Variants in ZNF525 observed in about 807,000 individuals in gnomAD.
The protein encoded by ZNF525 is zinc finger protein 525.
Under a neutral mutation model 37.6 loss-of-function variants are expected in ZNF525, and 33 were observed. The observed-to-expected ratio is 0.88, with a 90% CI of 0.67 to 1.17. ZNF525 has a LOEUF of 1.17. Ranked by LOEUF, ZNF525 falls within the 50% of genes most tolerant of loss-of-function variation. ZNF525 has a pLI of 0.00. For missense variants in ZNF525, 449 were observed against 543.1 expected (o/e 0.83, Z 1.72); for synonymous variants, 170 against 182.3 (o/e 0.93, Z 0.54).
Position 53,381,559 on chromosome 19 carries a change from A to G in ZNF525, c.980A>G (p.His327Arg), listed in dbSNP as rs750291577. Reference protein sequence around the residue: ...HRRIHTGEKPHKCNECGKTFS... With the variant: ...HRRIHTGEKPRKCNECGKTFS... The stretch of plus-strand genomic sequence containing the variant: ...AGAATTCATACTGGAGAGAAACCAC[A>G]TAAGTGTAATGAGTGTGGCAAGACC... The change falls in exon 4 of 4, where the codon CAT becomes CGT. Residue 327 changes from histidine (H) to arginine (R), a missense_variant. Physicochemically the swap from His to Arg is conservative, Grantham distance 29 (BLOSUM62 0). Transcript: ENST00000474037. 12 of 1,185,914 alleles carry G rather than the reference A, an allele frequency of 1.0e-5. No homozygotes were observed. The highest frequency in any genetic ancestry group is 1.0e-4 in the Admixed American group (6 of 59,524). The allele number at this position is 1,185,914 out of a possible 1,614,324, so 73.5% of individuals were successfully genotyped here. A position where few individuals can be genotyped will look rare whatever the true frequency, so the allele number is the denominator to read the frequency against.
At position 53,374,459 on chromosome 19, in the gene ZNF525, C is replaced by CA. The variant is rs1283964460; in HGVS notation, c.16-1310dup. ...TAGTGGCTGCCTCTGCACGTGCCTG[C>CA]ATTCCTACAGATATCTGAAATTTCC... On this transcript the variant is annotated intron_variant, in intron 2 of 3. Coordinates refer to ENST00000474037, the MANE Select transcript of ZNF525 (RefSeq NM_001348156.2). 2.0e-5 allele frequency among the ~76,000 whole-genome samples: 3 copies of CA among 152,318 alleles called. No individual in the cohort carries two copies. In the East Asian group the frequency reaches 5.8e-4, roughly 29 times the overall value.
At chr19:53,372,622 CTG>C (rs1360323415) in intron 2 of ZNF525, among the ~76,000 whole-genome samples, 1 of 152,190 alleles carries the variant, frequency 6.6e-6, no homozygotes, top group Non-Finnish European at 1.5e-5. Flanking sequence ...TGTCAGCTCT[CTG>C]TGGACCAGGA....
In ZNF525 at chr19:53,381,713, T is replaced by C. The variant is rs2085565451; in HGVS notation, c.1134T>C (p.Thr378=). 9.2e-7 allele frequency: 1 copy of C among 1,084,290 alleles called. No individual in the cohort carries two copies. Among genetic ancestry groups the C allele is most frequent in the East Asian group, 2.3e-5 (1 of 42,572 alleles). The allele number at this position is 1,084,290 out of a possible 1,614,324, so 67.2% of individuals were successfully genotyped here. A position where few individuals can be genotyped will look rare whatever the true frequency, so the allele number is the denominator to read the frequency against. Residue 378 remains threonine (T), a synonymous_variant, in exon 4 of 4, where the codon ACT becomes ACC. Coordinates refer to ENST00000474037, the MANE Select transcript of ZNF525 (RefSeq NM_001348156.2). ...TTGAAAGTCATAGGATAACTCATAC[T>C]GGAGAGAAACCATACAAGTGTAATG... The part of the protein sequence containing the change: ...SNLESHRITH[T]GEKPYKCNDC...
Position 53,382,264 on chromosome 19 carries a change from A to G in ZNF525, c.*245A>G, listed in dbSNP as rs1431665894. Reference sequence around the variant, plus strand: ...AATAGGTGTGGCAAGACCTTCAGTCATACATCATCCCTTACATGCCATCAT... The same window carrying G: ...AATAGGTGTGGCAAGACCTTCAGTCGTACATCATCCCTTACATGCCATCAT... On this transcript the variant is annotated 3_prime_UTR_variant, in exon 4 of 4. Coordinates refer to ENST00000474037, the MANE Select transcript of ZNF525 (RefSeq NM_001348156.2). 1 of 1,491,798 alleles carries G rather than the reference A, an allele frequency of 6.7e-7. No homozygotes were observed. Among genetic ancestry groups the G allele is most frequent in the East Asian group, 2.3e-5 (1 of 44,216 alleles). The allele number at this position is 1,491,798 out of a possible 1,614,324, so 92.4% of individuals were successfully genotyped here. A position where few individuals can be genotyped will look rare whatever the true frequency, so the allele number is the denominator to read the frequency against.
intron 3 of ZNF525, among the ~76,000 whole-genome samples, chr19:53,378,140 T>C (rs1171744783): frequency 6.6e-6 from 1 of 152,086 alleles, no homozygotes; most frequent in Non-Finnish European, 1.5e-5. Flanking sequence ...CTGGCCAACA[T>C]GGTGAAACCT....
In ZNF525 at chr19:53,385,030, G is replaced by A. The variant is rs1260730809; in HGVS notation, c.*3011G>A. ...ACGCTTTTTCTCCATCTACTAAGGT[G>A]ATGTGGTTTTAATCTTTCATTCTGT... On this transcript the variant is annotated 3_prime_UTR_variant, in exon 4 of 4. Transcript: ENST00000474037. The A allele has an allele frequency of 1.4e-6, 1 of 699,024 alleles. No individual in the cohort carries two copies. The highest frequency in any genetic ancestry group is 1.8e-5 in the African/African-American group (1 of 57,064). 43.3% of individuals were successfully genotyped at this position (699,024 alleles called of 1,614,324 possible). A position where few individuals can be genotyped will look rare whatever the true frequency, so the allele number is the denominator to read the frequency against.
intron 3 of ZNF525, among the ~76,000 whole-genome samples, chr19:53,378,735 A>C (rs1341175214): frequency 6.6e-6 from 1 of 152,056 alleles, no homozygotes; most frequent in Non-Finnish European, 1.5e-5. Flanking sequence ...CGAGCTCTTT[A>C]ATGTCTCTTT....
intron 1 of ZNF525, among the ~76,000 whole-genome samples, chr19:53,369,994 G>A (rs1245824022): frequency 6.6e-6 from 1 of 150,508 alleles, no homozygotes; most frequent in Non-Finnish European, 1.5e-5. Context: ...AAAGTGCTGG[G>A]ATTACAGGCG....
chr19:53,377,056 A>C (rs2085527507), intron 3 of ZNF525, among the ~76,000 whole-genome samples: 2 of 152,154 alleles, frequency 1.3e-5, no homozygotes, highest in South Asian at 4.1e-4. Flanking sequence ...TGTATGCTGC[A>C]TTTTCATTAA....
intron 2 of ZNF525, 96 bp downstream of exon 2, chr19:53,372,392 G>T (rs2085493728): frequency 1.4e-6 from 1 of 737,030 alleles, no homozygotes; most frequent in South Asian, 1.5e-5. Flanking sequence ...CTTCCTGCCT[G>T]ACAGGTTTGC....
chr19:53,381,950 T>C lies in ZNF525; in HGVS notation c.1371T>C (p.His457=), dbSNP rs767684655. The C allele has an allele frequency of 1.0e-6, 1 of 988,754 alleles. No homozygotes were observed. The highest frequency in any genetic ancestry group is 1.6e-6 in the Non-Finnish European group (1 of 610,006). 61.2% of individuals were successfully genotyped at this position (988,754 alleles called of 1,614,324 possible). Residue 457 remains histidine, a synonymous_variant, in exon 4 of 4, where the codon CAT becomes CAC. Transcript: ENST00000474037. ...GTCAGGAGTTATCCCTTACCTGCCA[T>C]TGTAGACTTCATAGTGGAGAGAAAC... ...TFSQELSLTC[H]CRLHSGEKPC...
In ZNF525 at chr19:53,366,974, CAG is replaced by C. The variant is rs79043709; in HGVS notation, c.-68+1218_-68+1219del. 0.012 allele frequency among the ~76,000 whole-genome samples: 1,889 copies of C among 152,186 alleles called. 71 individuals are homozygous for C. The East Asian group carries it at 0.15, about 12-fold the overall frequency. On this transcript the variant is annotated intron_variant, in intron 1 of 3. Transcript: ENST00000474037. The stretch of plus-strand genomic sequence containing the variant: ...AAAAAGCTGAGCATTTCAACAAACA[CAG>C]AGTGGGTTTTTTTTGCTTTCAGAAG...
intron 3 of ZNF525, 59 bp downstream of exon 3, chr19:53,375,955 C>CT: frequency 6.2e-7 from 1 of 1,610,974 alleles, no homozygotes; most frequent in Admixed American, 1.7e-5. Flanking sequence ...TGTATTTTCT[C>CT]TTTTTTTAGA....
In ZNF525 at chr19:53,375,799, A is replaced by G. The variant is rs1308240154; in HGVS notation, c.45A>G (p.Ile15Met). ...QGLLTFRDVA[I>M]EFSQEEWKCL... ...TATTGACATTCAGGGATGTGGCCAT[A>G]GAATTCTCTCAGGAGGAGTGGAAAT... Residue 15 changes from isoleucine (I) to methionine (M), a missense_variant, in exon 3 of 4, where the codon ATA becomes ATG. Transcript: ENST00000474037. 6.2e-7 allele frequency: 1 copy of G among 1,613,980 alleles called. No individual in the cohort carries two copies. Among genetic ancestry groups the G allele is most frequent in the Non-Finnish European group, 8.5e-7 (1 of 1,179,894 alleles).
chr19:53,372,358 G>A, intron 2 of ZNF525, 62 bp downstream of exon 2: 1 of 752,122 alleles, frequency 1.3e-6, no homozygotes. Flanking sequence ...TGACCTTGGA[G>A]TTGGGAATCT....
In ZNF525 at chr19:53,369,484, C is replaced by T. The variant is rs996576431; in HGVS notation, c.-67-2731C>T. On this transcript the variant is annotated intron_variant, in intron 1 of 3. Transcript: ENST00000474037. ...TCAGGTGATCCACCTGCCTTAACCT[C>T]CTAAAGTACTGGGATTACAAGCATG... 2.0e-5 allele frequency among the ~76,000 whole-genome samples: 3 copies of T among 147,586 alleles called. 1 individual carries two copies. The South Asian group carries it at 6.4e-4, about 32-fold the overall frequency.
At chr19:53,377,200 G>A (rs1456610638) in intron 3 of ZNF525, among the ~76,000 whole-genome samples, 3 of 152,028 alleles carry the variant, frequency 2.0e-5, no homozygotes, top group Non-Finnish European at 4.4e-5. Flanking sequence ...TTAATGAGAC[G>A]AAGTTTTGTT....
chr19:53,367,264 CTTT>C (rs2085454856), intron 1 of ZNF525, among the ~76,000 whole-genome samples: 1 of 151,918 alleles, frequency 6.6e-6, no homozygotes, highest in South Asian at 2.1e-4. Context: ...AACTTCTTTT[CTTT>C]TTAACCCTTG....
At chr19:53,367,508 A>G (rs1476961172) in intron 1 of ZNF525, among the ~76,000 whole-genome samples, 2 of 152,176 alleles carry the variant, frequency 1.3e-5, no homozygotes, top group African/African-American at 2.4e-5. Flanking sequence ...ATAGTTGATT[A>G]AATGTTCTTA....
Sources: gnomAD v4.1 joint callset for allele counts (sites outside exome capture counted in the v4.1 genomes callset) on GRCh38, gnomAD v4.1.1 for gene constraint, MANE v1.5 for transcripts, NCBI Gene and HGNC (gene_info 2026-07-23, HGNC 2026-07-21) for gene names.